Variants in DOCK4 observed in about 807,000 individuals in gnomAD.
DOCK4 encodes the protein dedicator of cytokinesis protein 4.
A neutral mutation model predicts 268.1 loss-of-function variants in DOCK4; 97 were observed. That is an observed-to-expected ratio of 0.36 (90% CI 0.31 to 0.43). The LOEUF is 0.43. DOCK4 is among the 20% of genes least tolerant of loss of function. The pLI is 1.00. For synonymous variants in DOCK4, 954 were observed against 887.2 expected, an observed-to-expected ratio of 1.08 and a Z score of -1.34; for missense variants, 2,145 against 2,455.7, an observed-to-expected ratio of 0.87 and a Z score of 2.67.
chr7:112,062,534 T>C (rs768269032), intron 1 of DOCK4, among the ~76,000 whole-genome samples: 14 of 152,360 alleles, frequency 9.2e-5, no homozygotes, highest in Non-Finnish European at 1.8e-4. Context: ...TGTGCTAATA[T>C]ATCTTTATCT....
rs531221452 is a variant in DOCK4 at position 112,164,078 on chromosome 7, T to C, written c.37+42024A>G. Among the ~76,000 whole-genome samples, 535 of 151,066 alleles carry C rather than the reference T, an allele frequency of 3.5e-3. 2 individuals carry two copies. Among genetic ancestry groups the C allele is most frequent in the Non-Finnish European group, 5.6e-3 (380 of 67,772 alleles). On this transcript the variant is annotated intron_variant, in intron 1 of 52. Coordinates refer to ENST00000428084, the MANE Select transcript of DOCK4 (RefSeq NM_001363540.2). ...GTGGAGAATTGCTTGAGGCCAGGAG[T>C]TCAAGACCAGCCTGGACAACATAGA...
At chr7:111,981,962 C>T (rs145512149) in intron 7 of DOCK4, among the ~76,000 whole-genome samples, 18 of 152,292 alleles carry the variant, frequency 1.2e-4, no homozygotes, top group African/African-American at 4.3e-4. Context: ...ACGCACAAAA[C>T]CAAACTCAGG....
intron 7 of DOCK4, among the ~76,000 whole-genome samples, chr7:111,981,866 C>T (rs1387613275): frequency 1.3e-5 from 2 of 152,130 alleles, no homozygotes; most frequent in Admixed American, 1.3e-4. Context: ...AGCCACCCAC[C>T]AATAAACTGG....
rs1810198011 is a variant in DOCK4, at chr7:112,096,940, G to A, written c.38-92809C>T. Among the ~76,000 whole-genome samples the A allele has an allele frequency of 1.3e-5, 2 of 152,176 alleles. 1 individual carries two copies. The highest frequency in any genetic ancestry group is 4.1e-4 in the South Asian group (2 of 4,826). The stretch of plus-strand genomic sequence containing the variant: ...AAAGGGGCCGAGCAGCAAGGCTCAG[G>A]GGCAGAACTTCTGTCTCTAGAAAGC... On this transcript the variant is annotated intron_variant, in intron 1 of 52. Transcript: ENST00000428084.
intron 1 of DOCK4, among the ~76,000 whole-genome samples, chr7:112,168,542 T>C: frequency 6.6e-6 from 1 of 152,048 alleles, no homozygotes; most frequent in Non-Finnish European, 1.5e-5. Flanking sequence ...CCCCCATCTC[T>C]ACAAATCAAA....
intron 38 of DOCK4, among the ~76,000 whole-genome samples, chr7:111,766,218 A>C (rs1797751952): frequency 6.6e-6 from 1 of 152,268 alleles, no homozygotes; most frequent in Admixed American, 6.5e-5. Flanking sequence ...CCAAAAGGAC[A>C]GAGTCAGTTC....
intron 8 of DOCK4, among the ~76,000 whole-genome samples, chr7:111,970,978 AC>A (rs1167117962): frequency 6.6e-6 from 1 of 152,226 alleles, no homozygotes; most frequent in African/African-American, 2.4e-5. Context: ...AGCTTCAATG[AC>A]AAGTTCTTAT....
At position 111,954,664 on chromosome 7, in the gene DOCK4, C is replaced by T. The variant is rs10458290; in HGVS notation, c.702-8866G>A. On this transcript the variant is annotated intron_variant, in intron 8 of 52. Transcript: ENST00000428084. Reference sequence around the variant, plus strand: ...GGAGAGGGAGACTGTCCGGGTACTACGTAGCTGTCATGTCAGACTGGGACA... The same window carrying T: ...GGAGAGGGAGACTGTCCGGGTACTATGTAGCTGTCATGTCAGACTGGGACA... Among the ~76,000 whole-genome samples the T allele has an allele frequency of 1.8e-3, 272 of 152,260 alleles. 1 individual carries two copies. Among genetic ancestry groups the T allele is most frequent in the African/African-American group, 5.4e-3 (225 of 41,550 alleles).
intron 1 of DOCK4, among the ~76,000 whole-genome samples, chr7:112,118,503 C>T (rs530942177): frequency 4.6e-5 from 7 of 152,218 alleles, no homozygotes; most frequent in Admixed American, 1.3e-4. Context: ...ATTCACATTT[C>T]GTATAAATAT....
chr7:112,156,955 A>G (rs1445850755), intron 1 of DOCK4, among the ~76,000 whole-genome samples: 2 of 149,724 alleles, frequency 1.3e-5, no homozygotes, highest in Non-Finnish European at 3.0e-5. Context: ...AGATTGTAAA[A>G]TTATATATAG....
intron 1 of DOCK4, among the ~76,000 whole-genome samples, chr7:112,149,512 T>TA (rs539892375): frequency 1.4e-4 from 21 of 146,792 alleles, no homozygotes; most frequent in South Asian, 1.1e-3. Context: ...TAAAGAGGTT[T>TA]AAAAAAAAAA....
chr7:112,011,035 C>G (rs1383725151), intron 1 of DOCK4, among the ~76,000 whole-genome samples: 1 of 152,152 alleles, frequency 6.6e-6, no homozygotes, highest in Non-Finnish European at 1.5e-5. Flanking sequence ...AGTCCTCGAA[C>G]CCTAGCACCC....
intron 23 of DOCK4, among the ~76,000 whole-genome samples, chr7:111,856,670 G>A (rs541484439): frequency 6.6e-6 from 1 of 152,286 alleles, no homozygotes; most frequent in African/African-American, 2.4e-5. Context: ...GTGAACACCT[G>A]GAAAGGGCTT....
At chr7:111,991,786 C>T (rs558897538) in intron 5 of DOCK4, among the ~76,000 whole-genome samples, 7 of 151,638 alleles carry the variant, frequency 4.6e-5, no homozygotes, top group African/African-American at 1.7e-4. Flanking sequence ...ACAGTGAAAC[C>T]CCGTCTCTAC....
intron 1 of DOCK4, among the ~76,000 whole-genome samples, chr7:112,118,575 A>G (rs1300338787): frequency 6.6e-6 from 1 of 152,156 alleles, no homozygotes; most frequent in Non-Finnish European, 1.5e-5. Context: ...TTCCTTCTGT[A>G]CCTCACCGTT....
In DOCK4 at chr7:112,134,720, A is replaced by T. The variant is rs557702900; in HGVS notation, c.37+71382T>A. ...GACAGAGCGAGACTCCATCTCAAAT[A>T]AAGAAAGAAAGAAACAAACAAACTT... On this transcript the variant is annotated intron_variant, in intron 1 of 52. Coordinates refer to ENST00000428084, the MANE Select transcript of DOCK4 (RefSeq NM_001363540.2). 3.3e-5 allele frequency among the ~76,000 whole-genome samples: 5 copies of T among 152,338 alleles called. No individual in the cohort carries two copies. The East Asian group carries it at 9.6e-4, about 29-fold the overall frequency.
chr7:112,198,674 A>G (rs1820668120), intron 1 of DOCK4, among the ~76,000 whole-genome samples: 1 of 152,168 alleles, frequency 6.6e-6, no homozygotes, highest in Non-Finnish European at 1.5e-5. Flanking sequence ...ATATTTCCAA[A>G]CAGATTTTTT....
intron 1 of DOCK4, among the ~76,000 whole-genome samples, chr7:112,159,250 C>G (rs1400640125): frequency 6.6e-6 from 1 of 152,044 alleles, no homozygotes. Flanking sequence ...TCTTCCCTTC[C>G]CAATCTTTCT....
At chr7:111,885,408 G>C (rs935811261) in intron 16 of DOCK4, among the ~76,000 whole-genome samples, 1 of 152,198 alleles carries the variant, frequency 6.6e-6, no homozygotes, top group Non-Finnish European at 1.5e-5. Flanking sequence ...CCCAGTGAAG[G>C]CATGGAGCAT....
Sources: gnomAD v4.1 joint callset for allele counts (sites outside exome capture counted in the v4.1 genomes callset) on GRCh38, gnomAD v4.1.1 for gene constraint, MANE v1.5 for transcripts, NCBI Gene and HGNC (gene_info 2026-07-23, HGNC 2026-07-21) for gene names.